Variants in CACNA2D3 observed in about 807,000 individuals in gnomAD.
The protein encoded by CACNA2D3 is calcium voltage-gated channel auxiliary subunit alpha2delta 3.
In CACNA2D3, 60 loss-of-function variants were observed where a neutral mutation model predicts 160.6. The ratio of observed to expected loss-of-function variants is 0.37; its 90% CI spans 0.30 to 0.46. The LOEUF (loss-of-function observed/expected upper bound fraction) is 0.46, where lower values mean the gene tolerates loss of function less well. Ranked by LOEUF, CACNA2D3 falls within the 20% of genes least tolerant of loss-of-function variation. CACNA2D3 has a pLI of 1.00. For synonymous variants in CACNA2D3, 558 were observed against 492.9 expected, an observed-to-expected ratio of 1.13 and a Z score of -1.75; for missense variants, 1,205 against 1,365.0, an observed-to-expected ratio of 0.88 and a Z score of 1.85.
intron 14 of CACNA2D3, among the ~76,000 whole-genome samples, chr3:54,836,497 G>A (rs1698692920): frequency 6.6e-6 from 1 of 152,008 alleles, no homozygotes; most frequent in Non-Finnish European, 1.5e-5. Context: ...GCCTCCCAAA[G>A]TGCTGGGATT....
chr3:54,176,755 G>C (rs1164283033), intron 2 of CACNA2D3, among the ~76,000 whole-genome samples: 4 of 151,984 alleles, frequency 2.6e-5, no homozygotes, highest in African/African-American at 9.7e-5. Flanking sequence ...GCCTTCCTTT[G>C]TTGATTTTTT....
chr3:54,561,787 G>T (rs1028764933), intron 5 of CACNA2D3, among the ~76,000 whole-genome samples: 2 of 152,172 alleles, frequency 1.3e-5, no homozygotes, highest in African/African-American at 2.4e-5. Flanking sequence ...GTATTGGCCT[G>T]TTCCCATGCT....
chr3:54,219,547 C>T (rs1300063076), intron 2 of CACNA2D3, among the ~76,000 whole-genome samples: 1 of 152,140 alleles, frequency 6.6e-6, no homozygotes, highest in Non-Finnish European at 1.5e-5. Context: ...CCATGTACCC[C>T]TTGGGTTTCT....
chr3:54,983,677 T>C (rs1391337608), intron 29 of CACNA2D3, among the ~76,000 whole-genome samples: 1 of 152,200 alleles, frequency 6.6e-6, no homozygotes, highest in African/African-American at 2.4e-5. Flanking sequence ...TGCCCTTTTG[T>C]GCCTAACCAA....
chr3:54,375,136 C>T (rs767527209), intron 3 of CACNA2D3, among the ~76,000 whole-genome samples: 1 of 152,122 alleles, frequency 6.6e-6, no homozygotes, highest in Non-Finnish European at 1.5e-5. Context: ...ACGTGAGGAG[C>T]CTCCTTGTAC....
intron 11 of CACNA2D3, among the ~76,000 whole-genome samples, chr3:54,703,256 T>TA (rs1348446130): frequency 1.3e-5 from 2 of 152,148 alleles, no homozygotes; most frequent in South Asian, 4.2e-4. Flanking sequence ...AAAAAAAGGA[T>TA]AAAAAAATAA....
At chr3:54,752,570 G>T (rs371981321) in intron 11 of CACNA2D3, 29 bp from the exon 12 acceptor site, 140 of 1,570,040 alleles carry the variant, frequency 8.9e-5, no homozygotes, top group Admixed American at 2.2e-4. Flanking sequence ...AGTGAATGCC[G>T]CTCAGCCATG....
At chr3:54,742,768 A>T (rs1484089949) in intron 11 of CACNA2D3, among the ~76,000 whole-genome samples, 8 of 152,358 alleles carry the variant, frequency 5.3e-5, no homozygotes, top group Non-Finnish European at 1.0e-4. Context: ...CATGGCTTCC[A>T]TCTAGAATCA....
chr3:54,869,752 G>A (rs535020098), intron 17 of CACNA2D3, among the ~76,000 whole-genome samples: 12 of 152,310 alleles, frequency 7.9e-5, no homozygotes, highest in African/African-American at 2.4e-4. Context: ...GCAAGGCACC[G>A]CTGCTGACAA....
chr3:54,516,232 A>G (rs935604062), intron 5 of CACNA2D3, among the ~76,000 whole-genome samples: 7 of 152,172 alleles, frequency 4.6e-5, no homozygotes, highest in Non-Finnish European at 7.4e-5. Flanking sequence ...TTCACACCTC[A>G]GATAGGTGAG....
chr3:54,382,873 G>A (rs1334282284), intron 3 of CACNA2D3, among the ~76,000 whole-genome samples: 2 of 152,160 alleles, frequency 1.3e-5, no homozygotes, highest in African/African-American at 4.8e-5. Flanking sequence ...TTTGAGATAG[G>A]GTCTTGTTCT....
At chr3:54,835,504 G>C (rs1229876550) in intron 14 of CACNA2D3, among the ~76,000 whole-genome samples, 1 of 152,140 alleles carries the variant, frequency 6.6e-6, no homozygotes, top group Non-Finnish European at 1.5e-5. Context: ...GCAAAAGAAA[G>C]ACTAAGTTTA....
At chr3:54,426,065 C>CT (rs1699907949) in intron 4 of CACNA2D3, among the ~76,000 whole-genome samples, 1 of 152,162 alleles carries the variant, frequency 6.6e-6, no homozygotes, top group Admixed American at 6.5e-5. Context: ...AATTTCATGA[C>CT]TATAACTCAG....
In CACNA2D3 at chr3:55,004,794, A is replaced by G; in HGVS notation, c.2722A>G (p.Arg908Gly). ...ITLYDYQAMC[R>G]ANKESSDGAH... ...CCTTTATGACTACCAAGCCATGTGTAGAGCCAACAAGGAAAGCAGCGATGG... is the reference window on the plus strand; with the variant it reads ...CCTTTATGACTACCAAGCCATGTGTGGAGCCAACAAGGAAAGCAGCGATGG... Residue 908 changes from arginine (R) to glycine (G), a missense_variant, in exon 32 of 38, where the codon AGA becomes GGA. Around this residue, in one of 3 missense-constraint regions of CACNA2D3, gnomAD observed 911 missense variants for 1,002.2 expected, o/e 0.91. Transcript: ENST00000474759. 1 of 1,613,728 alleles carries G rather than the reference A, an allele frequency of 6.2e-7. No homozygotes were observed. Among genetic ancestry groups the G allele is most frequent in the South Asian group, 1.1e-5 (1 of 91,068 alleles).
At chr3:54,129,207 A>G (rs1339616959) in intron 2 of CACNA2D3, among the ~76,000 whole-genome samples, 1 of 152,236 alleles carries the variant, frequency 6.6e-6, no homozygotes, top group Non-Finnish European at 1.5e-5. Context: ...TTTGGCCTGT[A>G]CTTACAGCTC....
rs1553874273 is a variant in CACNA2D3, at chr3:54,822,794, T to TCCTTC, written c.1398+5925_1398+5926insCTTCC. Reference sequence around the variant, plus strand: ...TCTTTCTTTCTTTCTTTCTTTCCTTTCTTTCTTTCTTTCTTTCTTTCTTTC... The same window carrying TCCTTC: ...TCTTTCTTTCTTTCTTTCTTTCCTTTCCTTCCTTTCTTTCTTTCTTTCTTTCTTTC... On this transcript the variant is annotated intron_variant, in intron 14 of 37. Transcript: ENST00000474759. Among the ~76,000 whole-genome samples, 87 of 63,304 alleles carry TCCTTC rather than the reference T, an allele frequency of 1.4e-3. 1 individual carries two copies. Among genetic ancestry groups the TCCTTC allele is most frequent in the Non-Finnish European group, 2.4e-3 (79 of 33,136 alleles). The allele number at this position is 63,304 out of a possible 152,430, so 41.5% of individuals were successfully genotyped here.
intron 2 of CACNA2D3, among the ~76,000 whole-genome samples, chr3:54,291,598 C>T (rs1204569043): frequency 6.6e-6 from 1 of 152,024 alleles, no homozygotes; most frequent in East Asian, 1.9e-4. Flanking sequence ...GTGTGCCTCT[C>T]CCCAGCGAAA....
chr3:55,066,217 C>A (rs1238741391), intron 35 of CACNA2D3, among the ~76,000 whole-genome samples: 1 of 152,180 alleles, frequency 6.6e-6, no homozygotes, highest in Non-Finnish European at 1.5e-5. Context: ...AGCCGGGGAA[C>A]AGGACACTGT....
intron 2 of CACNA2D3, among the ~76,000 whole-genome samples, chr3:54,246,435 G>T (rs1702077703): frequency 6.6e-6 from 1 of 152,202 alleles, no homozygotes; most frequent in Non-Finnish European, 1.5e-5. Flanking sequence ...GCTCATGCCT[G>T]TAATCCCAGT....
Sources: allele counts gnomAD v4.1 joint callset (sites outside exome capture counted in the v4.1 genomes callset), GRCh38; gene constraint gnomAD v4.1.1; regional missense constraint gnomAD v4.1.1; transcripts MANE v1.5; gene names NCBI Gene and HGNC (gene_info 2026-07-23, HGNC 2026-07-21).